Variants in PKHD1L1 observed in about 807,000 individuals in gnomAD.
PKHD1L1 encodes the protein PKHD1 like 1, also known as fibrocystin-L.
PKHD1L1 carries 434 observed loss-of-function variants against 462.9 expected under a neutral mutation model. The ratio of observed to expected loss-of-function variants is 0.94; its 90% CI spans 0.87 to 1.02. The LOEUF (loss-of-function observed/expected upper bound fraction) is 1.02, where lower values mean the gene tolerates loss of function less well. Among genes scored for constraint, PKHD1L1 ranks in the 50% least tolerant of loss-of-function variants. The probability of loss-of-function intolerance (pLI) is 0.00; values close to 1 mark genes in which losing one functional copy is unlikely to be tolerated. For missense variants in PKHD1L1, 5,202 were observed against 5,096.1 expected (o/e 1.02, Z -0.63); for synonymous variants, 1,781 against 1,750.0 (o/e 1.02, Z -0.44).
intron 20 of PKHD1L1, 84 bp downstream of exon 20, chr8:109,412,498 A>G (rs1813909839): frequency 7.4e-7 from 1 of 1,354,138 alleles, no homozygotes; most frequent in African/African-American, 1.5e-5. Context: ...ACAAGAAAAA[A>G]TATTTGCCAT....
At chr8:109,410,668 G>T (rs1254799520) in intron 19 of PKHD1L1, among the ~76,000 whole-genome samples, 1 of 150,506 alleles carries the variant, frequency 6.6e-6, no homozygotes, top group African/African-American at 2.5e-5. Context: ...TGGTGGGGAC[G>T]CAGATCCAAA....
At position 109,448,123 on chromosome 8, in the gene PKHD1L1, G is replaced by A. The variant is rs1218089305; in HGVS notation, c.5777-20G>A. 7 of 1,530,004 alleles carry A rather than the reference G, an allele frequency of 4.6e-6. No individual in the cohort carries two copies. The highest frequency in any genetic ancestry group is 5.3e-6 in the Non-Finnish European group (6 of 1,127,024). The allele number at this position is 1,530,004 out of a possible 1,614,324, so 94.8% of individuals were successfully genotyped here. A position where few individuals can be genotyped will look rare whatever the true frequency, so the allele number is the denominator to read the frequency against. On this transcript the variant is annotated intron_variant, in intron 38 of 77. Transcript: ENST00000378402. ...TAATAGTTAGATATATTTATATTGTGTGCTTTTTTTTTTTTTAAGGTCCAC... is the reference window on the plus strand; with the variant it reads ...TAATAGTTAGATATATTTATATTGTATGCTTTTTTTTTTTTTAAGGTCCAC...
chr8:109,430,925 G>T (rs1815061736), intron 27 of PKHD1L1, among the ~76,000 whole-genome samples: 2 of 150,954 alleles, frequency 1.3e-5, no homozygotes, highest in Non-Finnish European at 1.5e-5. Flanking sequence ...CAGTCCTTTG[G>T]TATCTTTATG....
rs1815913335 is a variant in PKHD1L1 at position 109,443,192 on chromosome 8, G to T, written c.4564+76G>T. 15 of 1,407,556 alleles carry T rather than the reference G, an allele frequency of 1.1e-5. No homozygotes were observed. The South Asian group carries it at 1.7e-4, about 16-fold the overall frequency. The allele number at this position is 1,407,556 out of a possible 1,614,324, so 87.2% of individuals were successfully genotyped here. On this transcript the variant is annotated intron_variant, in intron 36 of 77. Coordinates refer to ENST00000378402, the MANE Select transcript of PKHD1L1 (RefSeq NM_177531.6). ...TGTGATATTTCTGGAGCCGGTAGCA[G>T]ATAACTGGGTCTAACTGTGCTTCTA...
intron 50 of PKHD1L1, among the ~76,000 whole-genome samples, chr8:109,472,816 G>T (rs1426597626): frequency 3.9e-5 from 6 of 151,912 alleles, no homozygotes; most frequent in Non-Finnish European, 7.4e-5. Context: ...AACAGAAAAA[G>T]ATAACTTGTC....
At chr8:109,528,533 A>G (rs1673386) in intron 77 of PKHD1L1, among the ~76,000 whole-genome samples, 1 of 152,026 alleles carries the variant, frequency 6.6e-6, no homozygotes, top group Non-Finnish European at 1.5e-5. Context: ...CCCTATATCT[A>G]TACCTAGGCT....
intron 73 of PKHD1L1, among the ~76,000 whole-genome samples, chr8:109,518,715 T>G (rs1299531881): frequency 1.3e-5 from 2 of 152,168 alleles, no homozygotes; most frequent in African/African-American, 4.8e-5. Context: ...AATCTCTGTT[T>G]TGTTATTGTG....
rs552925351 is a variant in PKHD1L1, at chr8:109,401,333, T to C, written c.1282-164T>C. Among the ~76,000 whole-genome samples the C allele has an allele frequency of 1.4e-3, 214 of 152,210 alleles. 1 individual carries two copies. Among genetic ancestry groups the C allele is most frequent in the Non-Finnish European group, 2.2e-3 (149 of 67,992 alleles). ...ACTTTGATAATTTAAAAAAAATTTA[T>C]AGCATAGTAGATAACAGATCTTAAA... On this transcript the variant is annotated intron_variant, in intron 13 of 77. Transcript: ENST00000378402.
At chr8:109,493,514 T>C (rs1014709738) in intron 62 of PKHD1L1, 147 bp from the exon 63 acceptor site, 2 of 444,050 alleles carry the variant, frequency 4.5e-6, no homozygotes, top group African/African-American at 4.1e-5. Flanking sequence ...TAAGTTTGAA[T>C]GGGGTAAATA....
At chr8:109,479,037 T>C (rs1021589255) in intron 53 of PKHD1L1, among the ~76,000 whole-genome samples, 2 of 152,056 alleles carry the variant, frequency 1.3e-5, no homozygotes, top group South Asian at 2.1e-4. Context: ...ATGCATAACA[T>C]GATTATTGAT....
chr8:109,445,649 C>T lies in PKHD1L1; in HGVS notation c.5776+4C>T, dbSNP rs1816095037. ...AGAGGAATTATCCCAAGCAGAGGTACTCCAATATCTGCCTTATTATCTTGA... is the reference window on the plus strand; with the variant it reads ...AGAGGAATTATCCCAAGCAGAGGTATTCCAATATCTGCCTTATTATCTTGA... On this transcript the variant is annotated splice_donor_region_variant and intron_variant, in intron 38 of 77. Transcript: ENST00000378402. 5 of 1,588,744 alleles carry T rather than the reference C, an allele frequency of 3.1e-6. No homozygotes were observed. The highest frequency in any genetic ancestry group is 4.3e-6 in the Non-Finnish European group (5 of 1,160,086).
chr8:109,375,265 T>A (rs1456266321), intron 2 of PKHD1L1, among the ~76,000 whole-genome samples: 3 of 152,234 alleles, frequency 2.0e-5, no homozygotes, highest in Non-Finnish European at 4.4e-5. Flanking sequence ...CTTCCATCGC[T>A]GATACCCTAT....
At position 109,477,436 on chromosome 8, in the gene PKHD1L1, T is replaced by C. The variant is rs557254720; in HGVS notation, c.9089+40T>C. ...TGTAGTTGATACCCTTCAATATCTC[T>C]TAACATAATCCTTTTCACATGTCAC... On this transcript the variant is annotated intron_variant, in intron 53 of 77. Coordinates refer to ENST00000378402, the MANE Select transcript of PKHD1L1 (RefSeq NM_177531.6). 7.9e-6 allele frequency: 12 copies of C among 1,526,088 alleles called. No individual in the cohort carries two copies. In the African/African-American group the frequency reaches 1.7e-4, roughly 21 times the overall value. The allele number at this position is 1,526,088 out of a possible 1,614,324, so 94.5% of individuals were successfully genotyped here. A position where few individuals can be genotyped will look rare whatever the true frequency, so the allele number is the denominator to read the frequency against.
In PKHD1L1 at chr8:109,507,960, TTTAATGAC is replaced by T. The variant is rs1819779830; in HGVS notation, c.11227+68_11227+75del. 5 of 1,556,470 alleles carry T rather than the reference TTTAATGAC, an allele frequency of 3.2e-6. No homozygotes were observed. The South Asian group carries it at 5.8e-5, about 18-fold the overall frequency. Reference sequence around the variant, plus strand: ...CTCATGAAACAAAATATGTTTTATTTTTAATGACTTGCCTACTCAACCAATAACTTTTA... The same window carrying T: ...CTCATGAAACAAAATATGTTTTATTTTTGCCTACTCAACCAATAACTTTTA... On this transcript the variant is annotated intron_variant, in intron 69 of 77. Transcript: ENST00000378402.
Position 109,433,222 on chromosome 8 carries a change from T to A in PKHD1L1, c.3340+6T>A. ...TTCTCTTCTTTCTGTGGATGGTAGG[T>A]CCTTTTAAAAACTATTAAGTCTAAT... On this transcript the variant is annotated splice_donor_region_variant and intron_variant, in intron 28 of 77. Transcript: ENST00000378402. 6.3e-7 allele frequency: 1 copy of A among 1,592,906 alleles called. No individual in the cohort carries two copies. Among genetic ancestry groups the A allele is most frequent in the Non-Finnish European group, 8.6e-7 (1 of 1,163,320 alleles).
rs1412958237 is a variant in PKHD1L1, at chr8:109,464,434, T to G, written c.7602T>G (p.His2534Gln). ...GAFFIEDGIE[H>Q]GNILQYNLAV... ...TTTTTATAGAAGATGGTATTGAACA[T>G]GGCAATATCCTCCAGTATAACTTGG... Residue 2534 changes from histidine (H) to glutamine (Q), a missense_variant, in exon 49 of 78, where the codon CAT becomes CAG. This residue lies in a region of PKHD1L1 where 4,497 missense variants were observed against 4,336.8 expected (regional missense o/e 1.04). Transcript: ENST00000378402. 6.2e-7 allele frequency: 1 copy of G among 1,613,646 alleles called. No individual in the cohort carries two copies. Among genetic ancestry groups the G allele is most frequent in the Non-Finnish European group, 8.5e-7 (1 of 1,179,704 alleles).
In PKHD1L1 at chr8:109,445,055, A is replaced by T. The variant is rs772835234; in HGVS notation, c.5186A>T (p.His1729Leu). 1 of 1,613,828 alleles carries T rather than the reference A, an allele frequency of 6.2e-7. No individual in the cohort carries two copies. The highest frequency in any genetic ancestry group is 1.7e-5 in the Admixed American group (1 of 59,988). ...QQLVDVDLLI[H>L]GVPAQCQGNC... ...CTTGTGGATGTAGATCTTCTAATAC[A>T]TGGAGTGCCTGCCCAGTGCCAGGGA... The change falls in exon 38 of 78, where the codon CAT (histidine) becomes CTT (leucine). Residue 1729 changes from histidine to leucine, a missense_variant. His to Leu is a moderately conservative substitution (Grantham distance 99). This residue lies in a region of PKHD1L1 where 4,497 missense variants were observed against 4,336.8 expected (regional missense o/e 1.04). Coordinates refer to ENST00000378402, the MANE Select transcript of PKHD1L1 (RefSeq NM_177531.6).
chr8:109,432,841 T>C (rs1380055340), intron 27 of PKHD1L1, among the ~76,000 whole-genome samples: 1 of 152,236 alleles, frequency 6.6e-6, no homozygotes. Context: ...TCTTATGCCA[T>C]ATTTTCAATC....
chr8:109,426,628 G>T (rs958512451), intron 24 of PKHD1L1, among the ~76,000 whole-genome samples: 5 of 152,044 alleles, frequency 3.3e-5, no homozygotes, highest in Non-Finnish European at 7.4e-5. Context: ...CTTTAAAGAT[G>T]AAATTGGTTT....
Sources: gnomAD v4.1 joint callset for allele counts (sites outside exome capture counted in the v4.1 genomes callset) on GRCh38, gnomAD v4.1.1 for gene constraint, gnomAD v4.1.1 regional missense constraint, MANE v1.5 for transcripts, NCBI Gene and HGNC (gene_info 2026-07-23, HGNC 2026-07-21) for gene names.